Variants in CLMP observed in about 807,000 individuals in gnomAD.
The protein encoded by CLMP is CXADR-like membrane protein.
In CLMP, 27 loss-of-function variants were observed where a neutral mutation model predicts 45.2. That is an observed-to-expected ratio of 0.60 (90% CI 0.44 to 0.82). The LOEUF is 0.82. Ranked by LOEUF, CLMP falls within the 40% of genes least tolerant of loss-of-function variation. The probability of loss-of-function intolerance (pLI) is 0.00; values close to 1 mark genes in which losing one functional copy is unlikely to be tolerated. For synonymous variants in CLMP, 167 were observed against 171.4 expected (o/e 0.97, Z 0.20); for missense variants, 403 against 448.4 (o/e 0.90, Z 0.91).
At chr11:123,133,449 CA>C (rs1212785521) in intron 1 of CLMP, among the ~76,000 whole-genome samples, 1 of 152,102 alleles carries the variant, frequency 6.6e-6, no homozygotes, top group African/African-American at 2.4e-5. Context: ...GTCAGTTTAG[CA>C]AAGAGTTACC....
At chr11:123,099,187 A>G (rs1027824709) in intron 1 of CLMP, among the ~76,000 whole-genome samples, 3 of 152,176 alleles carry the variant, frequency 2.0e-5, no homozygotes, top group Admixed American at 2.0e-4. Flanking sequence ...CAAGAAGATG[A>G]TACTCATGGA....
At chr11:123,090,328 C>T (rs1447143231) in intron 2 of CLMP, among the ~76,000 whole-genome samples, 1 of 151,314 alleles carries the variant, frequency 6.6e-6, no homozygotes, top group Non-Finnish European at 1.5e-5. Context: ...GTGGCATGCA[C>T]CTGTACTCCC....
At chr11:123,192,129 G>T (rs1861916159) in intron 1 of CLMP, among the ~76,000 whole-genome samples, 1 of 152,178 alleles carries the variant, frequency 6.6e-6, no homozygotes, top group South Asian at 2.1e-4. Context: ...CATAGAATTA[G>T]AAAGAAGCAT....
chr11:123,168,044 G>A (rs941104549), intron 1 of CLMP, among the ~76,000 whole-genome samples: 1 of 152,214 alleles, frequency 6.6e-6, no homozygotes, highest in Non-Finnish European at 1.5e-5. Context: ...AACTGACGGA[G>A]GGATGCCAGC....
At chr11:123,126,881 T>C (rs1213275690) in intron 1 of CLMP, among the ~76,000 whole-genome samples, 2 of 149,690 alleles carry the variant, frequency 1.3e-5, no homozygotes, top group Non-Finnish European at 3.0e-5. Context: ...TGGGCGAGAG[T>C]GCGAGACTCC....
intron 5 of CLMP, among the ~76,000 whole-genome samples, chr11:123,078,357 T>C (rs1204099009): frequency 6.6e-6 from 1 of 152,058 alleles, no homozygotes; most frequent in African/African-American, 2.4e-5. Flanking sequence ...CCAGACAAAA[T>C]GGAATGATTC....
rs371394874 is a variant in CLMP at position 123,073,789 on chromosome 11, C to G, written c.822-15G>C. ...CAGCATCTTCTCTGAAGAGAAAAAA[C>G]AGCAAAGATTAACACTGGCAGATCT... On this transcript the variant is annotated splice_polypyrimidine_tract_variant and intron_variant, in intron 6 of 6. Transcript: ENST00000448775. 1.5e-5 allele frequency: 24 copies of G among 1,552,620 alleles called. No individual in the cohort carries two copies. The African/African-American group carries it at 1.8e-4, about 12-fold the overall frequency.
At chr11:123,185,847 G>A (rs1430028246) in intron 1 of CLMP, among the ~76,000 whole-genome samples, 3 of 152,338 alleles carry the variant, frequency 2.0e-5, no homozygotes, top group Non-Finnish European at 4.4e-5. Flanking sequence ...TCACCTTGAG[G>A]TTTTCCTTTC....
At chr11:123,136,046 C>G in intron 1 of CLMP, 1 of 592,140 alleles carries the variant, frequency 1.7e-6, no homozygotes, top group Non-Finnish European at 3.3e-6. Flanking sequence ...TCGCTCGTTT[C>G]TTCATCTGCC....
In CLMP at chr11:123,080,897, C is replaced by T. The variant is rs1213910589; in HGVS notation, c.679+2188G>A. ...TGGTGGCTCACACCTGTGATCCCAG[C>T]ACTTTGGGAGGCCGAGGTGGGCGGA... On this transcript the variant is annotated intron_variant, in intron 5 of 6. Coordinates refer to ENST00000448775, the MANE Select transcript of CLMP (RefSeq NM_024769.5). 2.6e-5 allele frequency among the ~76,000 whole-genome samples: 4 copies of T among 152,102 alleles called. No homozygotes were observed. The East Asian group carries it at 7.7e-4, about 29-fold the overall frequency.
At chr11:123,174,759 C>G (rs1861676922) in intron 1 of CLMP, among the ~76,000 whole-genome samples, 1 of 152,102 alleles carries the variant, frequency 6.6e-6, no homozygotes, top group Non-Finnish European at 1.5e-5. Flanking sequence ...TTAGGAAGCA[C>G]TTAGGATTTT....
intron 1 of CLMP, among the ~76,000 whole-genome samples, chr11:123,166,853 T>C (rs1023875185): frequency 1.8e-4 from 27 of 152,178 alleles, no homozygotes; most frequent in Non-Finnish European, 1.2e-4. Flanking sequence ...GATTTGATCG[T>C]TACGTATCAT....
At chr11:123,104,128 C>CTTTTTTT (rs1241735527) in intron 1 of CLMP, among the ~76,000 whole-genome samples, 1 of 72,366 alleles carries the variant, frequency 1.4e-5, no homozygotes, top group Non-Finnish European at 2.5e-5. Flanking sequence ...CCATGCCTGG[C>CTTTTTTT]TTTTTTTTTT....
chr11:123,172,189 T>G (rs1277664396), intron 1 of CLMP, among the ~76,000 whole-genome samples: 7 of 152,056 alleles, frequency 4.6e-5, no homozygotes, highest in Non-Finnish European at 1.0e-4. Context: ...CTCGCTCTGT[T>G]GCCCAGGTGC....
intron 1 of CLMP, among the ~76,000 whole-genome samples, chr11:123,183,101 C>T (rs7952364): frequency 0.66 from 99,792 of 152,016 alleles, 33,758 homozygotes; most frequent in African/African-American, 0.82. Context: ...TAATGTTTTT[C>T]CCCTTCCATG....
At chr11:123,137,792 G>A (rs1861099953) in intron 1 of CLMP, among the ~76,000 whole-genome samples, 1 of 152,124 alleles carries the variant, frequency 6.6e-6, no homozygotes, top group South Asian at 2.1e-4. Context: ...GGCGGAAGGC[G>A]CCAGGCTCGG....
chr11:123,127,235 C>T (rs1234885608), intron 1 of CLMP, among the ~76,000 whole-genome samples: 1 of 152,050 alleles, frequency 6.6e-6, no homozygotes, highest in African/African-American at 2.4e-5. Context: ...GATTCTCCTG[C>T]CTCAACCTCC....
Position 123,073,650 on chromosome 11 carries a change from G to T in CLMP, c.946C>A (p.Arg316=). ...GGTGCTGCGTCAGTTGACAGTGTCC[G>T]CTGGCTGCGTGAGGCACTATTTGCT... The part of the protein sequence containing the change: ...STANSASRSQ[R]TLSTDAAPQP... The change falls in exon 7 of 7, where the codon CGG becomes AGG. Residue 316 remains arginine, a synonymous_variant. Coordinates refer to ENST00000448775, the MANE Select transcript of CLMP (RefSeq NM_024769.5). The T allele has an allele frequency of 6.2e-7, 1 of 1,614,238 alleles. No homozygotes were observed. Among genetic ancestry groups the T allele is most frequent in the Non-Finnish European group, 8.5e-7 (1 of 1,180,042 alleles).
In CLMP at chr11:123,190,470, T is replaced by C. The variant is rs528967808; in HGVS notation, c.28+4443A>G. 2.6e-5 allele frequency among the ~76,000 whole-genome samples: 4 copies of C among 152,302 alleles called. No homozygotes were observed. The South Asian group carries it at 8.3e-4, about 32-fold the overall frequency. The stretch of plus-strand genomic sequence containing the variant: ...AGGAAACTTAGAGATAACCTTAATC[T>C]CATATTTTCATTTTACAAAGGAGAA... On this transcript the variant is annotated intron_variant, in intron 1 of 6. Coordinates refer to ENST00000448775, the MANE Select transcript of CLMP (RefSeq NM_024769.5).
Sources: allele counts gnomAD v4.1 joint callset (sites outside exome capture counted in the v4.1 genomes callset), GRCh38; gene constraint gnomAD v4.1.1; transcripts MANE v1.5; gene names NCBI Gene and HGNC (gene_info 2026-07-23, HGNC 2026-07-21).